Variants in MAP4 observed in about 807,000 individuals in gnomAD.
MAP4 encodes microtubule-associated protein 4.
In MAP4, 76 loss-of-function variants were observed where a neutral mutation model predicts 170.2. That is an observed-to-expected ratio of 0.45 (90% CI 0.37 to 0.54). The LOEUF is 0.54. MAP4 is among the 20% of genes least tolerant of loss of function. The pLI is 0.00. For synonymous variants in MAP4, 909 were observed against 994.5 expected, an observed-to-expected ratio of 0.91 and a Z score of 1.62; for missense variants, 2,506 against 2,748.0, an observed-to-expected ratio of 0.91 and a Z score of 1.97.
At chr3:47,873,122 T>C (rs2094023709) in intron 12 of MAP4, among the ~76,000 whole-genome samples, 1 of 152,118 alleles carries the variant, frequency 6.6e-6, no homozygotes, top group African/African-American at 2.4e-5. Flanking sequence ...GGATGAAAGG[T>C]CTCAGCACAG....
At chr3:48,059,972 CAAA>C (rs5848847) in intron 1 of MAP4, among the ~76,000 whole-genome samples, 2 of 138,844 alleles carry the variant, frequency 1.4e-5, no homozygotes, top group African/African-American at 5.6e-5. Context: ...GACTCTGTCT[CAAA>C]AAAAAAAAAA....
chr3:48,067,257 C>A (rs527556215), intron 1 of MAP4, among the ~76,000 whole-genome samples: 1 of 152,178 alleles, frequency 6.6e-6, no homozygotes, highest in Admixed American at 6.5e-5. Context: ...ACTGAACACT[C>A]TCATTTTACA....
intron 2 of MAP4, among the ~76,000 whole-genome samples, chr3:47,983,201 G>A (rs993439500): frequency 1.3e-5 from 2 of 151,782 alleles, no homozygotes; most frequent in South Asian, 2.1e-4. Flanking sequence ...CATGGCACCC[G>A]GCAAAGATTT....
chr3:48,011,975 T>C (rs1348779007), intron 1 of MAP4, among the ~76,000 whole-genome samples: 2 of 152,162 alleles, frequency 1.3e-5, no homozygotes, highest in African/African-American at 4.8e-5. Context: ...CGAACTTTAA[T>C]CCGGAAACTG....
At chr3:47,900,879 A>G (rs999929494) in intron 10 of MAP4, among the ~76,000 whole-genome samples, 2 of 152,192 alleles carry the variant, frequency 1.3e-5, no homozygotes, top group African/African-American at 4.8e-5. Flanking sequence ...GTAGAAAGAT[A>G]ACCCATTTCT....
At chr3:48,048,729 G>A (rs2100125934) in intron 1 of MAP4, among the ~76,000 whole-genome samples, 1 of 151,798 alleles carries the variant, frequency 6.6e-6, no homozygotes, top group Non-Finnish European at 1.5e-5. Context: ...ATGTTGCCCA[G>A]GCTGGTCTCA....
In MAP4 at chr3:47,997,326, T is replaced by TAAAAAAAA; in HGVS notation, c.223+1304_223+1311dup. On this transcript the variant is annotated intron_variant, in intron 2 of 20. Transcript: ENST00000683076. ...TCTAAACACAACATATTTAAACTGC[T>TAAAAAAAA]AAAAAAAAAAAAAAAAAAAGATAAA... Among the ~76,000 whole-genome samples, 242 of 44,884 alleles carry TAAAAAAAA rather than the reference T, an allele frequency of 5.4e-3. 10 individuals carry two copies. Among genetic ancestry groups the TAAAAAAAA allele is most frequent in the African/African-American group, 0.018 (192 of 10,532 alleles). The allele number at this position is 44,884 out of a possible 152,430, so 29.4% of individuals were successfully genotyped here.
intron 1 of MAP4, among the ~76,000 whole-genome samples, chr3:48,003,283 T>C (rs2100100339): frequency 6.6e-6 from 1 of 151,876 alleles, no homozygotes; most frequent in African/African-American, 2.4e-5. Flanking sequence ...TGAAACCTCC[T>C]CTCTACTAAA....
intron 17 of MAP4, among the ~76,000 whole-genome samples, chr3:47,861,392 C>T (rs927378809): frequency 3.5e-5 from 5 of 142,190 alleles, no homozygotes; most frequent in African/African-American, 8.0e-5. Context: ...CTCACTTTGT[C>T]GCCAGGCTGG....
intron 1 of MAP4, among the ~76,000 whole-genome samples, chr3:48,038,020 A>T (rs1334751029): frequency 2.3e-5 from 2 of 88,160 alleles, no homozygotes; most frequent in Middle Eastern, 5.3e-3. Flanking sequence ...TACAAAAATT[A>T]GCCAAGCATT....
chr3:48,054,708 TGA>T (rs930098165), intron 1 of MAP4, among the ~76,000 whole-genome samples: 1 of 147,868 alleles, frequency 6.8e-6, no homozygotes, highest in African/African-American at 2.5e-5. Flanking sequence ...CTCAGGAGGC[TGA>T]GACACGAGAA....
intron 1 of MAP4, among the ~76,000 whole-genome samples, chr3:48,004,998 C>T (rs1181887095): frequency 6.6e-6 from 1 of 152,192 alleles, no homozygotes; most frequent in Non-Finnish European, 1.5e-5. Flanking sequence ...AGACCTATAA[C>T]TCAAGTCCCA....
chr3:47,942,028 GA>G (rs1256296589), intron 3 of MAP4, among the ~76,000 whole-genome samples: 1 of 152,090 alleles, frequency 6.6e-6, no homozygotes, highest in East Asian at 1.9e-4. Context: ...TACAGTTTTA[GA>G]AGTCTGTTAG....
At chr3:47,946,768 T>C (rs2100060296) in intron 3 of MAP4, among the ~76,000 whole-genome samples, 1 of 151,730 alleles carries the variant, frequency 6.6e-6, no homozygotes, top group Non-Finnish European at 1.5e-5. Context: ...AAACAGGAAT[T>C]CCCTTTAAAT....
Position 47,877,440 on chromosome 3 carries a change from G to A in MAP4, c.5518C>T (p.Pro1840Ser), listed in dbSNP as rs1240086054. The A allele has an allele frequency of 1.9e-6, 3 of 1,613,944 alleles. No individual in the cohort carries two copies. In the African/African-American group the frequency reaches 4.0e-5, roughly 22 times the overall value. Reference protein sequence around the residue: ...ITTPPNKELPPSPEKKTKPLA... With the variant: ...ITTPPNKELPSSPEKKTKPLA... ...ACCTTTGTTTTCTTCTCTGGGCTTG[G>A]TGGGAGCTCCTTGTTCGGTGGGGTG... is the stretch of plus-strand genomic sequence containing the variant. The change falls in exon 11 of 21, where the codon CCA becomes TCA. Residue 1840 changes from proline to serine, a missense_variant. By Grantham distance (74) the Pro-to-Ser change is moderately conservative (BLOSUM62 -1). Transcript: ENST00000683076.
chr3:47,899,895 G>A (rs758165551), intron 10 of MAP4, among the ~76,000 whole-genome samples: 3 of 152,204 alleles, frequency 2.0e-5, no homozygotes, highest in Non-Finnish European at 4.4e-5. Context: ...TGGTTTCCAG[G>A]ACTCTTGGCA....
chr3:47,897,084 T>C (rs2100027259), intron 10 of MAP4, among the ~76,000 whole-genome samples: 1 of 152,182 alleles, frequency 6.6e-6, no homozygotes, highest in African/African-American at 2.4e-5. Context: ...CCCAAACCGC[T>C]GAGCAAAAAT....
intron 10 of MAP4, 21 bp downstream of exon 10, chr3:47,902,929 C>T: frequency 1.0e-6 from 1 of 980,922 alleles, no homozygotes; most frequent in Non-Finnish European, 1.2e-6. Flanking sequence ...CTTCAAGTTT[C>T]ACACCAAGAG....
At chr3:47,933,227 T>C (rs2153875907) in intron 3 of MAP4, among the ~76,000 whole-genome samples, 1 of 152,250 alleles carries the variant, frequency 6.6e-6, no homozygotes, top group Non-Finnish European at 1.5e-5. Context: ...CCTGAAACTG[T>C]AGGTCAGAAA....
Sources: allele counts gnomAD v4.1 joint callset (sites outside exome capture counted in the v4.1 genomes callset), GRCh38; gene constraint gnomAD v4.1.1; transcripts MANE v1.5; gene names NCBI Gene and HGNC (gene_info 2026-07-23, HGNC 2026-07-21).